The following DPP10 variants were observed in gnomAD, a reference collection of about 807,000 sequenced individuals.
The protein encoded by DPP10 is inactive dipeptidyl peptidase 10.
A neutral mutation model predicts 120.9 loss-of-function variants in DPP10; 33 were observed. The ratio of observed to expected loss-of-function variants is 0.27; its 90% CI spans 0.21 to 0.37. The LOEUF is 0.37. Among genes scored for constraint, DPP10 ranks in the 10% least tolerant of loss-of-function variants. DPP10 has a pLI of 1.00. For synonymous variants in DPP10, 337 were observed against 326.1 expected (o/e 1.03, Z -0.36); for missense variants, 816 against 942.8 (o/e 0.87, Z 1.76).
chr2:114,624,836 T>A (rs953720402), intron 1 of DPP10, among the ~76,000 whole-genome samples: 6 of 151,910 alleles, frequency 3.9e-5, no homozygotes, highest in African/African-American at 1.4e-4. Flanking sequence ...ATAAAGCACA[T>A]CATCCATCTT....
At chr2:115,606,496 C>T (rs1489462702) in intron 5 of DPP10, among the ~76,000 whole-genome samples, 1 of 152,110 alleles carries the variant, frequency 6.6e-6, no homozygotes, top group Non-Finnish European at 1.5e-5. Context: ...TAAATTGTTT[C>T]CTTCACTTTC....
intron 1 of DPP10, among the ~76,000 whole-genome samples, chr2:115,263,808 C>T (rs190970189): frequency 2.6e-5 from 4 of 152,166 alleles, no homozygotes; most frequent in African/African-American, 4.8e-5. Flanking sequence ...TGTTAGATAG[C>T]GTTGCACTCT....
At chr2:114,878,898 A>G (rs1053580872) in intron 1 of DPP10, among the ~76,000 whole-genome samples, 4 of 152,124 alleles carry the variant, frequency 2.6e-5, no homozygotes, top group African/African-American at 9.7e-5. Flanking sequence ...TAAACATGGG[A>G]TTGCAGATTA....
chr2:115,020,688 A>G (rs1559001473), intron 1 of DPP10, among the ~76,000 whole-genome samples: 1 of 152,138 alleles, frequency 6.6e-6, no homozygotes, highest in Non-Finnish European at 1.5e-5. Flanking sequence ...AGAACATTCT[A>G]CCCAACAATT....
chr2:114,920,137 G>A (rs1032950631), intron 1 of DPP10, among the ~76,000 whole-genome samples: 1 of 152,136 alleles, frequency 6.6e-6, no homozygotes, highest in African/African-American at 2.4e-5. Context: ...GGCTAGCTTC[G>A]GGAGGGGTGG....
chr2:115,568,404 A>G (rs866302201), intron 5 of DPP10, among the ~76,000 whole-genome samples: 10 of 151,968 alleles, frequency 6.6e-5, no homozygotes, highest in Admixed American at 5.2e-4. Context: ...AATCGCTTGA[A>G]TCCGGGAGGC....
intron 1 of DPP10, among the ~76,000 whole-genome samples, chr2:115,298,464 C>G (rs1249884478): frequency 6.6e-6 from 1 of 152,046 alleles, no homozygotes; most frequent in Non-Finnish European, 1.5e-5. Flanking sequence ...CACTCCAGGA[C>G]TTAATCTGTA....
chr2:115,769,846 T>TA lies in DPP10; in HGVS notation c.1221+1443dup, dbSNP rs1381150401. 2.6e-5 allele frequency among the ~76,000 whole-genome samples: 4 copies of TA among 152,148 alleles called. No homozygotes were observed. The East Asian group carries it at 7.7e-4, about 29-fold the overall frequency. ...GAGTCAACTTGGTTATCACAAATATTAGAGAACTATTTTGGCCCCTAAAAT... is the reference window on the plus strand; with the variant it reads ...GAGTCAACTTGGTTATCACAAATATTAAGAGAACTATTTTGGCCCCTAAAAT... On this transcript the variant is annotated intron_variant, in intron 13 of 25. Coordinates refer to ENST00000410059, the MANE Select transcript of DPP10 (RefSeq NM_020868.6).
intron 1 of DPP10, among the ~76,000 whole-genome samples, chr2:115,294,225 G>A (rs1260222331): frequency 6.6e-6 from 1 of 152,090 alleles, no homozygotes; most frequent in Non-Finnish European, 1.5e-5. Flanking sequence ...TTGAAAGGCA[G>A]TCATGGTGTG....
chr2:114,469,159 G>A (rs1679684613), intron 1 of DPP10, among the ~76,000 whole-genome samples: 1 of 152,246 alleles, frequency 6.6e-6, no homozygotes, highest in Non-Finnish European at 1.5e-5. Context: ...TGGTGGCAGA[G>A]ATCTTTTCTC....
chr2:115,649,927 T>A (rs995992424), intron 5 of DPP10, among the ~76,000 whole-genome samples: 1 of 152,134 alleles, frequency 6.6e-6, no homozygotes, highest in Admixed American at 6.6e-5. Flanking sequence ...GCAAGTATCA[T>A]GTTTTCTCCA....
At chr2:114,825,570 T>C (rs902875578) in intron 1 of DPP10, among the ~76,000 whole-genome samples, 1 of 152,228 alleles carries the variant, frequency 6.6e-6, no homozygotes, top group African/African-American at 2.4e-5. Flanking sequence ...AATTACTTTC[T>C]TATCAGCTTA....
chr2:114,812,120 C>G (rs1685228855), intron 1 of DPP10, among the ~76,000 whole-genome samples: 1 of 152,092 alleles, frequency 6.6e-6, no homozygotes, highest in Non-Finnish European at 1.5e-5. Context: ...AGAGGTAGCA[C>G]CTACTTTTAA....
intron 1 of DPP10, among the ~76,000 whole-genome samples, chr2:115,038,879 A>T (rs72947827): frequency 0.12 from 17,539 of 152,090 alleles, 1,043 homozygotes; most frequent in East Asian, 0.15. Flanking sequence ...CTTCCTTTTA[A>T]CCTCTATGCT....
At chr2:114,991,298 G>C (rs1700742503) in intron 1 of DPP10, among the ~76,000 whole-genome samples, 1 of 152,138 alleles carries the variant, frequency 6.6e-6, no homozygotes, top group African/African-American at 2.4e-5. Flanking sequence ...TCAAGAGAAA[G>C]GTAGAGTGTT....
Position 115,777,059 on chromosome 2 carries a change from C to T in DPP10, c.1222-149C>T, listed in dbSNP as rs533469022. ...GCCTTGATCTGTGTTTATAGGAATG[C>T]ATGTTCATTCTTGAGCTGTGGAACA... On this transcript the variant is annotated intron_variant, in intron 13 of 25. Transcript: ENST00000410059. The T allele has an allele frequency of 6.2e-6, 4 of 643,656 alleles. No individual in the cohort carries two copies. The South Asian group carries it at 8.1e-5, about 13-fold the overall frequency. The allele number at this position is 643,656 out of a possible 1,614,324, so 39.9% of individuals were successfully genotyped here.
intron 5 of DPP10, among the ~76,000 whole-genome samples, chr2:115,554,715 GTCTGTATAC>G (rs1387942945): frequency 6.6e-6 from 1 of 151,914 alleles, no homozygotes; most frequent in East Asian, 1.9e-4. Flanking sequence ...AATACAAAAG[GTCTGTATAC>G]TCTGTTCTGT....
At chr2:115,129,192 G>A (rs996186275) in intron 1 of DPP10, among the ~76,000 whole-genome samples, 2 of 152,158 alleles carry the variant, frequency 1.3e-5, no homozygotes, top group African/African-American at 4.8e-5. Flanking sequence ...TCAGGGTGCA[G>A]CCTCATTTTT....
At chr2:115,553,562 G>A (rs1401418892) in intron 5 of DPP10, among the ~76,000 whole-genome samples, 4 of 151,940 alleles carry the variant, frequency 2.6e-5, no homozygotes, top group African/African-American at 7.2e-5. Context: ...AGTATAATAC[G>A]TTTTCATGGT....
Sources: gnomAD v4.1 joint callset for allele counts (sites outside exome capture counted in the v4.1 genomes callset) on GRCh38, gnomAD v4.1.1 for gene constraint, MANE v1.5 for transcripts, NCBI Gene and HGNC (gene_info 2026-07-23, HGNC 2026-07-21) for gene names.